LOC128462377: variants seen among roughly 807,000 people sequenced by gnomAD.
At chr16:89,374,348 AT>A in the LOC128462377 span, among the ~76,000 whole-genome samples, 116 of 149,738 alleles carry the variant, frequency 7.7e-4, no homozygotes, top group African/African-American at 2.6e-3. Context: ...AAAAAAAATA[AT>A]AATAATAATA....
the LOC128462377 span, among the ~76,000 whole-genome samples, chr16:89,402,479 A>T: frequency 6.6e-6 from 1 of 152,092 alleles, no homozygotes; most frequent in East Asian, 1.9e-4. Context: ...CAAGAGTTCA[A>T]GAGCATCCTG....
At chr16:89,417,661 G>A in the LOC128462377 span, among the ~76,000 whole-genome samples, 1 of 152,170 alleles carries the variant, frequency 6.6e-6, no homozygotes, top group African/African-American at 2.4e-5. Context: ...AGAGGGTTCA[G>A]CAACAGCACT....
At chr16:89,325,736 C>G in the LOC128462377 span, among the ~76,000 whole-genome samples, 7 of 152,196 alleles carry the variant, frequency 4.6e-5, no homozygotes, top group Admixed American at 2.0e-4. Context: ...GGGTTCTCAG[C>G]TGAAGCAGTC....
At chr16:89,347,352 G>A in the LOC128462377 span, among the ~76,000 whole-genome samples, 1 of 152,304 alleles carries the variant, frequency 6.6e-6, no homozygotes, top group Non-Finnish European at 1.5e-5. Context: ...GCTCATGCCT[G>A]TAATCCCAGC....
chr16:89,417,708 A>G, the LOC128462377 span, among the ~76,000 whole-genome samples: 1 of 152,148 alleles, frequency 6.6e-6, no homozygotes, highest in Non-Finnish European at 1.5e-5. Context: ...CGAGACCACC[A>G]GGAACCTAAC....
chr16:89,406,313 G>A, the LOC128462377 span, among the ~76,000 whole-genome samples: 4 of 152,178 alleles, frequency 2.6e-5, no homozygotes, highest in Admixed American at 6.5e-5. Flanking sequence ...CAGAAGCACA[G>A]ACCCTCACTG....
At chr16:89,332,667 CGA>C in the LOC128462377 span, among the ~76,000 whole-genome samples, 85 of 152,292 alleles carry the variant, frequency 5.6e-4, 1 homozygote, top group Admixed American at 5.4e-3. Flanking sequence ...ACAAACACAA[CGA>C]GAGAGGCGCT....
At chr16:89,371,733 C>T in the LOC128462377 span, among the ~76,000 whole-genome samples, 6 of 152,138 alleles carry the variant, frequency 3.9e-5, no homozygotes, top group East Asian at 5.8e-4. Flanking sequence ...GAGGGCGATG[C>T]GGACTCCCTC....
the LOC128462377 span, among the ~76,000 whole-genome samples, chr16:89,379,397 C>T: frequency 1.3e-5 from 2 of 152,188 alleles, no homozygotes; most frequent in African/African-American, 2.4e-5. Context: ...GAAAGCTGAC[C>T]ATGGGGAACA....
the LOC128462377 span, among the ~76,000 whole-genome samples, chr16:89,416,328 C>T: frequency 2.6e-5 from 4 of 151,894 alleles, no homozygotes; most frequent in African/African-American, 9.7e-5. Context: ...GAGACAGAGT[C>T]TTGCTCTGTC....
At chr16:89,416,312 T>C in the LOC128462377 span, among the ~76,000 whole-genome samples, 129 of 152,004 alleles carry the variant, frequency 8.5e-4, no homozygotes, top group South Asian at 1.9e-3. Context: ...TTTTTTTTTT[T>C]CCCCAGAGAC....
the LOC128462377 span, among the ~76,000 whole-genome samples, chr16:89,415,851 C>CAAAAAAAAAAAAAAAA: frequency 1.3e-5 from 1 of 77,116 alleles, no homozygotes; most frequent in Non-Finnish European, 2.5e-5. Context: ...AAAAAAAAAA[C>CAAAAAAAAAAAAAAAA]AATGGAGAAC....
At chr16:89,398,439 G>A in the LOC128462377 span, among the ~76,000 whole-genome samples, 1 of 136,454 alleles carries the variant, frequency 7.3e-6, no homozygotes, top group African/African-American at 2.9e-5. Flanking sequence ...GAGGGACACT[G>A]TGAAACAGCT....
At chr16:89,400,842 G>A in the LOC128462377 span, among the ~76,000 whole-genome samples, 4 of 152,036 alleles carry the variant, frequency 2.6e-5, no homozygotes, top group Non-Finnish European at 2.9e-5. Context: ...GTCATCTGAC[G>A]GGAACCCCTG....
At chr16:89,389,856 G>A in the LOC128462377 span, among the ~76,000 whole-genome samples, 1 of 142,722 alleles carries the variant, frequency 7.0e-6, no homozygotes, top group Admixed American at 6.9e-5. Flanking sequence ...GGAGCACCGA[G>A]AGAAAGAAGA....
the LOC128462377 span, among the ~76,000 whole-genome samples, chr16:89,414,035 C>T: frequency 1.3e-5 from 2 of 149,406 alleles, no homozygotes; most frequent in African/African-American, 2.5e-5. Flanking sequence ...GGCCTGCACA[C>T]CCTCCGCCAC....
chr16:89,416,705 G>C, the LOC128462377 span, among the ~76,000 whole-genome samples: 2 of 151,668 alleles, frequency 1.3e-5, no homozygotes, highest in Admixed American at 6.6e-5. Flanking sequence ...TGAGGCAGGA[G>C]GATTGCTTGA....
chr16:89,374,214 A>G, the LOC128462377 span, among the ~76,000 whole-genome samples: 17 of 152,146 alleles, frequency 1.1e-4, no homozygotes, highest in Non-Finnish European at 2.2e-4. Context: ...GACTTCAAAG[A>G]TTTACAGTAT....
chr16:89,345,513 C>G, the LOC128462377 span, among the ~76,000 whole-genome samples: 1 of 152,184 alleles, frequency 6.6e-6, no homozygotes, highest in African/African-American at 2.4e-5. Flanking sequence ...TCCAGTGGCC[C>G]CAGGCTCTCC....
Sources: gnomAD v4.1 joint callset for allele counts (sites outside exome capture counted in the v4.1 genomes callset) on GRCh38, gnomAD v4.1.1 for gene constraint, MANE v1.5 for transcripts.